Variants in ITGB3 observed in about 807,000 individuals in gnomAD.
ITGB3 encodes integrin subunit beta 3, also known as integrin beta-3.
In ITGB3, 48 loss-of-function variants were observed where a neutral mutation model predicts 85.8. That is an observed-to-expected ratio of 0.56 (90% confidence interval 0.44 to 0.71). The LOEUF (loss-of-function observed/expected upper bound fraction) is 0.71. ITGB3 is among the 30% of genes least tolerant of loss of function. ITGB3 has a pLI of 0.00. For synonymous variants in ITGB3, 363 were observed against 395.6 expected, an observed-to-expected ratio of 0.92 and a Z score of 0.98; for missense variants, 861 against 1,019.1, an observed-to-expected ratio of 0.84 and a Z score of 2.11.
At chr17:47,269,686 T>C (rs1273497842) in intron 1 of ITGB3, among the ~76,000 whole-genome samples, 1 of 152,134 alleles carries the variant, frequency 6.6e-6, no homozygotes, top group East Asian at 1.9e-4. Flanking sequence ...CCCTCCAAGT[T>C]TCTAGGAAGC....
chr17:47,287,912 T>C (rs994931856), intron 6 of ITGB3, among the ~76,000 whole-genome samples: 1 of 56,998 alleles, frequency 1.8e-5, no homozygotes, highest in Non-Finnish European at 3.8e-5. Context: ...CCACCCCTGC[T>C]TTTTTTTTTT....
chr17:47,302,648 G>A (rs1319088857), intron 12 of ITGB3, 73 bp from the exon 13 acceptor site: 2 of 1,575,294 alleles, frequency 1.3e-6, no homozygotes, highest in African/African-American at 1.3e-5. Context: ...GAAGTCCTGT[G>A]ATAGGGGTTT....
At chr17:47,294,976 A>G (rs1455347944) in intron 10 of ITGB3, among the ~76,000 whole-genome samples, 1 of 152,066 alleles carries the variant, frequency 6.6e-6, no homozygotes, top group Non-Finnish European at 1.5e-5. Context: ...GCTCATGATC[A>G]ACATTCCTGC....
intron 2 of ITGB3, chr17:47,280,009 C>T (rs553985282): frequency 8.5e-5 from 13 of 152,374 alleles, no homozygotes; most frequent in African/African-American, 3.1e-4. Context: ...CCGTCCTCAG[C>T]CAGAGCTGGG....
rs371843857 is a variant in ITGB3, at chr17:47,290,938, G to A, written c.1126-16G>A. The A allele has an allele frequency of 3.1e-6, 5 of 1,613,802 alleles. No individual in the cohort carries two copies. The highest frequency in any genetic ancestry group is 4.2e-6 in the Non-Finnish European group (5 of 1,179,978). Reference sequence around the variant, plus strand: ...TCAGTTCAATTTCTTGTCTTCTTGTGCCCCTTTCTGCTCAGAAAATCCGTT... The same window carrying A: ...TCAGTTCAATTTCTTGTCTTCTTGTACCCCTTTCTGCTCAGAAAATCCGTT... On this transcript the variant is annotated splice_polypyrimidine_tract_variant and intron_variant, in intron 8 of 14. Coordinates refer to ENST00000559488, the MANE Select transcript of ITGB3 (RefSeq NM_000212.3).
chr17:47,253,978 C>T, intron 1 of ITGB3, 38 bp downstream of exon 1: 4 of 1,268,650 alleles, frequency 3.2e-6, no homozygotes, highest in Non-Finnish European at 4.1e-6. Flanking sequence ...CGCAGCTGCC[C>T]CAGGATCTGC....
rs750936469 is a variant in ITGB3 at position 47,312,607 on chromosome 17, A to G, written c.*2403A>G. On this transcript the variant is annotated 3_prime_UTR_variant, in exon 15 of 15. Transcript: ENST00000559488. ...ATTTTCTTTAGATAAGATGTTTTAT[A>G]TGAAGAAACTGTATCAAAGGGGGAA... 2.0e-5 allele frequency among the ~76,000 whole-genome samples: 3 copies of G among 152,236 alleles called. No individual in the cohort carries two copies. The highest frequency in any genetic ancestry group is 2.1e-4 in the South Asian group (1 of 4,832).
intron 2 of ITGB3, 110 bp downstream of exon 2, chr17:47,274,614 C>A: frequency 2.2e-6 from 2 of 905,736 alleles, no homozygotes; most frequent in Non-Finnish European, 3.6e-6. Flanking sequence ...CCCCTTATCC[C>A]TTCTAAGCAA....
intron 1 of ITGB3, among the ~76,000 whole-genome samples, chr17:47,263,455 C>G (rs1281250083): frequency 6.6e-6 from 1 of 151,706 alleles, no homozygotes; most frequent in Non-Finnish European, 1.5e-5. Flanking sequence ...GACTCCTTCC[C>G]TCATTGCTTG....
intron 10 of ITGB3, among the ~76,000 whole-genome samples, chr17:47,297,365 C>T (rs938855101): frequency 2.0e-5 from 3 of 152,058 alleles, no homozygotes; most frequent in African/African-American, 4.8e-5. Context: ...AAAGAACTTG[C>T]GGCTGGGCAT....
chr17:47,292,730 G>A (rs1054244549), intron 10 of ITGB3, among the ~76,000 whole-genome samples, 162 bp downstream of exon 10: 6 of 151,536 alleles, frequency 4.0e-5, no homozygotes, highest in East Asian at 1.9e-4. Context: ...CCCTTTTCAC[G>A]TTAAAAAAAA....
At chr17:47,274,623 A>G in intron 2 of ITGB3, 119 bp downstream of exon 2, 1 of 860,346 alleles carries the variant, frequency 1.2e-6, no homozygotes, top group Non-Finnish European at 1.9e-6. Context: ...CCTTCTAAGC[A>G]AAACTTTGAT....
At chr17:47,291,561 G>A in intron 9 of ITGB3, 1 of 276,404 alleles carries the variant, frequency 3.6e-6, no homozygotes, top group Non-Finnish European at 6.8e-6. Context: ...GGGTTGGTGG[G>A]AGGGGAGGAA....
At chr17:47,298,745 G>T (rs930474687) in intron 10 of ITGB3, among the ~76,000 whole-genome samples, 4 of 152,228 alleles carry the variant, frequency 2.6e-5, no homozygotes, top group African/African-American at 7.2e-5. Context: ...TGGCCACGAT[G>T]ACGACAATGG....
At chr17:47,302,585 A>T in intron 12 of ITGB3, 136 bp from the exon 13 acceptor site, 1 of 1,020,884 alleles carries the variant, frequency 9.8e-7, no homozygotes, top group Non-Finnish European at 1.5e-6. Context: ...AGCCACCTTG[A>T]ATCTAGGCAT....
chr17:47,310,096 C>A, intron 14 of ITGB3, 43 bp from the exon 15 acceptor site: 2 of 1,562,714 alleles, frequency 1.3e-6, no homozygotes, highest in Non-Finnish European at 1.8e-6. Context: ...TAGGGAAGGA[C>A]TTAAGGAAGT....
intron 1 of ITGB3, among the ~76,000 whole-genome samples, chr17:47,273,115 C>T (rs988118590): frequency 1.3e-5 from 2 of 152,126 alleles, no homozygotes; most frequent in East Asian, 1.9e-4. Flanking sequence ...TATACACCCT[C>T]ATTTTCTGAG....
intron 5 of ITGB3, 126 bp from the exon 6 acceptor site, chr17:47,286,944 G>A (rs1958688875): frequency 1.1e-6 from 1 of 919,282 alleles, no homozygotes; most frequent in Admixed American, 2.1e-5. Flanking sequence ...TGAGACCCTT[G>A]TTTTGAAGAA....
rs184927695 is a variant in ITGB3 at position 47,264,867 on chromosome 17, T to A, written c.80-9552T>A. Among the ~76,000 whole-genome samples, 3 of 152,362 alleles carry A rather than the reference T, an allele frequency of 2.0e-5. No individual in the cohort carries two copies. The East Asian group carries it at 5.8e-4, about 29-fold the overall frequency. On this transcript the variant is annotated intron_variant, in intron 1 of 14. Transcript: ENST00000559488. ...GAGTCCTTCCCCTTATTGCTTGTTA[T>A]TCCTTTATCCTGCTTTATTTTCTTA...
Sources: gnomAD v4.1 joint callset for allele counts (sites outside exome capture counted in the v4.1 genomes callset) on GRCh38, gnomAD v4.1.1 for gene constraint, MANE v1.5 for transcripts, NCBI Gene and HGNC (gene_info 2026-07-23, HGNC 2026-07-21) for gene names.